The following DCLK2 variants were observed in gnomAD, a reference collection of about 807,000 sequenced individuals.
The protein encoded by DCLK2 is serine/threonine-protein kinase DCLK2.
A neutral mutation model predicts 78.4 loss-of-function variants in DCLK2; 31 were observed. The observed-to-expected ratio is 0.40, with a 90% CI of 0.30 to 0.53. The LOEUF is 0.53. Among genes scored for constraint, DCLK2 ranks in the 20% least tolerant of loss-of-function variants. DCLK2 has a pLI of 0.61. For synonymous variants in DCLK2, 407 were observed against 374.9 expected, an observed-to-expected ratio of 1.09 and a Z score of -0.99; for missense variants, 872 against 973.7, an observed-to-expected ratio of 0.90 and a Z score of 1.39.
At chr4:150,224,188 C>G (rs368302567) in intron 7 of DCLK2, among the ~76,000 whole-genome samples, 3 of 151,038 alleles carry the variant, frequency 2.0e-5, no homozygotes, top group South Asian at 4.2e-4. Context: ...TTTTTGGGTA[C>G]CTTTGTCCCC....
intron 2 of DCLK2, among the ~76,000 whole-genome samples, chr4:150,151,022 C>A (rs28598870): frequency 0.17 from 25,911 of 152,248 alleles, 2,556 homozygotes; most frequent in Non-Finnish European, 0.23. Flanking sequence ...AGTGCCTCAG[C>A]ACCTACTGCC....
At chr4:150,150,996 G>A (rs1018452691) in intron 2 of DCLK2, among the ~76,000 whole-genome samples, 2 of 152,224 alleles carry the variant, frequency 1.3e-5, no homozygotes, top group Non-Finnish European at 2.9e-5. Flanking sequence ...TGCAGGGAAG[G>A]CTTCTCTGGG....
At chr4:150,164,373 CT>C (rs1202787452) in intron 2 of DCLK2, among the ~76,000 whole-genome samples, 1 of 152,246 alleles carries the variant, frequency 6.6e-6, no homozygotes, top group East Asian at 1.9e-4. Context: ...ACTTACCCCC[CT>C]ACCCCCATAC....
chr4:150,215,075 A>G (rs1374101481), intron 5 of DCLK2, among the ~76,000 whole-genome samples: 2 of 152,200 alleles, frequency 1.3e-5, no homozygotes, highest in Non-Finnish European at 2.9e-5. Context: ...GTACAGAGAA[A>G]TATTTCCTAG....
At chr4:150,235,272 G>A (rs778568288) in intron 10 of DCLK2, among the ~76,000 whole-genome samples, 11 of 152,176 alleles carry the variant, frequency 7.2e-5, no homozygotes, top group African/African-American at 1.9e-4. Flanking sequence ...GTTTCTTAAT[G>A]TATGTAAAGA....
At chr4:150,229,465 G>A (rs927339441) in intron 8 of DCLK2, among the ~76,000 whole-genome samples, 1 of 152,144 alleles carries the variant, frequency 6.6e-6, no homozygotes, top group Non-Finnish European at 1.5e-5. Flanking sequence ...GTGATTGTGG[G>A]TATATTATCC....
chr4:150,224,233 A>G (rs1406794267), intron 7 of DCLK2, among the ~76,000 whole-genome samples: 3 of 152,002 alleles, frequency 2.0e-5, no homozygotes, highest in African/African-American at 7.2e-5. Flanking sequence ...ATGCACAGAG[A>G]AAGAGCCAAG....
chr4:150,199,996 C>G (rs1739339632), intron 4 of DCLK2, among the ~76,000 whole-genome samples: 1 of 152,070 alleles, frequency 6.6e-6, no homozygotes, highest in Admixed American at 6.6e-5. Flanking sequence ...CTAGCCTGGG[C>G]AATGTAGCAA....
intron 2 of DCLK2, among the ~76,000 whole-genome samples, chr4:150,117,321 G>A (rs1379680147): frequency 6.6e-6 from 1 of 152,158 alleles, no homozygotes; most frequent in Non-Finnish European, 1.5e-5. Context: ...AGCTAGCTAG[G>A]TTCCAGGCAA....
At chr4:150,110,166 A>C (rs1323725012) in intron 2 of DCLK2, among the ~76,000 whole-genome samples, 1 of 152,192 alleles carries the variant, frequency 6.6e-6, no homozygotes, top group Non-Finnish European at 1.5e-5. Flanking sequence ...TGCAATGTAA[A>C]GTGTAGGTGG....
intron 2 of DCLK2, among the ~76,000 whole-genome samples, chr4:150,147,135 A>T (rs1734534146): frequency 6.6e-6 from 1 of 151,958 alleles, no homozygotes; most frequent in African/African-American, 2.4e-5. Context: ...AAAAAATAAA[A>T]AATAAAAAAG....
At chr4:150,118,897 A>C (rs1455911984) in intron 2 of DCLK2, among the ~76,000 whole-genome samples, 2 of 152,168 alleles carry the variant, frequency 1.3e-5, no homozygotes, top group South Asian at 4.2e-4. Flanking sequence ...GGTGGTGGAC[A>C]CCTGTAATTC....
intron 12 of DCLK2, among the ~76,000 whole-genome samples, chr4:150,244,925 A>G (rs1743192123): frequency 6.6e-6 from 1 of 151,922 alleles, no homozygotes; most frequent in Non-Finnish European, 1.5e-5. Context: ...TAACAAAATA[A>G]AAGCTGTATA....
chr4:150,196,194 A>G (rs906739365), intron 3 of DCLK2, among the ~76,000 whole-genome samples: 3 of 152,204 alleles, frequency 2.0e-5, no homozygotes, highest in Admixed American at 1.3e-4. Flanking sequence ...ACCTGATCTT[A>G]GTGAAGTAAC....
chr4:150,081,418 A>G (rs1241463485), intron 1 of DCLK2, among the ~76,000 whole-genome samples: 2 of 152,166 alleles, frequency 1.3e-5, no homozygotes, highest in Non-Finnish European at 2.9e-5. Context: ...CAAATCATTC[A>G]CTGATTTTTA....
chr4:150,248,447 C>G, intron 14 of DCLK2, 62 bp downstream of exon 14: 1 of 1,365,658 alleles, frequency 7.3e-7, no homozygotes, highest in African/African-American at 1.4e-5. Flanking sequence ...AGCACGGTTC[C>G]TCACTGTGAT....
intron 2 of DCLK2, among the ~76,000 whole-genome samples, chr4:150,139,645 G>A (rs753824843): frequency 5.3e-5 from 8 of 152,172 alleles, no homozygotes; most frequent in Non-Finnish European, 7.3e-5. Flanking sequence ...TTTCTTTTGG[G>A]AAATTGCAGA....
chr4:150,250,272 C>T (rs1743666236), intron 15 of DCLK2, among the ~76,000 whole-genome samples: 1 of 152,098 alleles, frequency 6.6e-6, no homozygotes, highest in Non-Finnish European at 1.5e-5. Flanking sequence ...GCCTTTTCTT[C>T]TTCCAAAATG....
intron 2 of DCLK2, among the ~76,000 whole-genome samples, chr4:150,142,655 T>G (rs1472680252): frequency 6.6e-6 from 1 of 152,162 alleles, no homozygotes; most frequent in Non-Finnish European, 1.5e-5. Context: ...AAATAATATA[T>G]TAAATAAACT....
Sources: allele counts gnomAD v4.1 joint callset (sites outside exome capture counted in the v4.1 genomes callset), GRCh38; gene constraint gnomAD v4.1.1; transcripts MANE v1.5; gene names NCBI Gene and HGNC (gene_info 2026-07-23, HGNC 2026-07-21).